The following GMDS variants were observed in gnomAD, a reference collection of about 807,000 sequenced individuals.
GMDS encodes GDP-mannose 4,6-dehydratase.
A neutral mutation model predicts 49.9 loss-of-function variants in GMDS; 20 were observed. The ratio of observed to expected loss-of-function variants is 0.40; its 90% CI spans 0.28 to 0.58. The LOEUF is 0.58. GMDS is among the 20% of genes least tolerant of loss of function. GMDS has a pLI of 0.42. For synonymous variants in GMDS, 177 were observed against 178.6 expected, an observed-to-expected ratio of 0.99 and a Z score of 0.07; for missense variants, 362 against 481.4, an observed-to-expected ratio of 0.75 and a Z score of 2.32.
At chr6:2,066,431 T>G (rs1378438598) in intron 4 of GMDS, among the ~76,000 whole-genome samples, 4 of 147,330 alleles carry the variant, frequency 2.7e-5, no homozygotes, top group Non-Finnish European at 6.0e-5. Context: ...TAACTTTAAA[T>G]GTAAATGGAC....
At chr6:2,115,205 G>A (rs139750213) in intron 4 of GMDS, among the ~76,000 whole-genome samples, 201 of 152,302 alleles carry the variant, frequency 1.3e-3, no homozygotes, top group African/African-American at 4.5e-3. Flanking sequence ...GATGTTTACC[G>A]TGATTCCTTC....
intron 6 of GMDS, among the ~76,000 whole-genome samples, chr6:1,948,776 T>A (rs1763204435): frequency 6.6e-6 from 1 of 152,248 alleles, no homozygotes; most frequent in Non-Finnish European, 1.5e-5. Context: ...ACTTTCCTAA[T>A]TCAAATGTTA....
intron 1 of GMDS, among the ~76,000 whole-genome samples, chr6:2,208,018 C>T (rs1427112491): frequency 1.3e-5 from 2 of 151,904 alleles, no homozygotes; most frequent in Non-Finnish European, 1.5e-5. Context: ...CAGGTATTCC[C>T]TTCCCAGATT....
chr6:1,723,605 T>TTTC (rs1766469345), intron 9 of GMDS, among the ~76,000 whole-genome samples: 1 of 151,650 alleles, frequency 6.6e-6, no homozygotes, highest in African/African-American at 2.4e-5. Flanking sequence ...AATTTTTTTT[T>TTTC]CCTATCAGTC....
At chr6:1,793,322 T>C (rs952685905) in intron 7 of GMDS, among the ~76,000 whole-genome samples, 1 of 152,216 alleles carries the variant, frequency 6.6e-6, no homozygotes, top group Non-Finnish European at 1.5e-5. Context: ...GGGATAGAGA[T>C]AGAGGTTAAC....
intron 4 of GMDS, among the ~76,000 whole-genome samples, chr6:2,038,379 A>G (rs992472767): frequency 6.6e-6 from 1 of 152,176 alleles, no homozygotes; most frequent in Non-Finnish European, 1.5e-5. Context: ...ACTGCCAGAA[A>G]AGCCGCGCTC....
At chr6:2,123,586 T>C (rs1345664805) in intron 2 of GMDS, among the ~76,000 whole-genome samples, 1 of 152,246 alleles carries the variant, frequency 6.6e-6, no homozygotes, top group Non-Finnish European at 1.5e-5. Context: ...TGAATAAATA[T>C]AGGTCTTTCT....
chr6:2,094,781 G>A (rs541660499), intron 4 of GMDS, among the ~76,000 whole-genome samples: 1 of 152,282 alleles, frequency 6.6e-6, no homozygotes, highest in African/African-American at 2.4e-5. Context: ...AGCAAAGGCA[G>A]TCATACGGAA....
rs549176638 is a variant in GMDS, at chr6:2,175,807, CT to C, written c.103-51077del. The C allele has an allele frequency of 2.2e-3, 1,381 of 626,886 alleles. 13 individuals are homozygous for C. In the African/African-American group the frequency reaches 0.023, roughly 10 times the overall value. The allele number at this position is 626,886 out of a possible 1,614,324, so 38.8% of individuals were successfully genotyped here. ...TTTTATAGCTAACATTTATATAGCC[CT>C]TAAAACATGTTGTAAGCACCTTATG... is the stretch of plus-strand genomic sequence containing the variant. On this transcript the variant is annotated intron_variant, in intron 1 of 10. Coordinates refer to ENST00000380815, the MANE Select transcript of GMDS (RefSeq NM_001500.4).
At chr6:1,872,322 A>G (rs1758802799) in intron 7 of GMDS, among the ~76,000 whole-genome samples, 1 of 152,248 alleles carries the variant, frequency 6.6e-6, no homozygotes, top group South Asian at 2.1e-4. Context: ...TTCAGTACTT[A>G]TAATTTCTAT....
intron 7 of GMDS, among the ~76,000 whole-genome samples, chr6:1,837,513 G>T (rs1395757791): frequency 6.6e-6 from 1 of 151,962 alleles, no homozygotes; most frequent in African/African-American, 2.4e-5. Context: ...TGGTAAGTGT[G>T]GTGTACCCCC....
At chr6:2,142,075 T>C (rs4959166) in intron 1 of GMDS, among the ~76,000 whole-genome samples, 4,213 of 152,294 alleles carry the variant, frequency 0.028, 194 homozygotes, top group South Asian at 0.13. Flanking sequence ...AGGTAAATTA[T>C]GGCACTTGAA....
At chr6:2,233,734 C>G (rs1325382535) in intron 1 of GMDS, among the ~76,000 whole-genome samples, 1 of 152,192 alleles carries the variant, frequency 6.6e-6, no homozygotes, top group Admixed American at 6.5e-5. Flanking sequence ...GGATGAGACT[C>G]TCTTGATCCC....
intron 1 of GMDS, among the ~76,000 whole-genome samples, chr6:2,186,330 A>C (rs903024964): frequency 1.3e-5 from 2 of 152,246 alleles, no homozygotes; most frequent in African/African-American, 4.8e-5. Context: ...GGATATTTTT[A>C]AGTATCCCTT....
At chr6:1,952,555 C>T (rs751669331) in intron 6 of GMDS, among the ~76,000 whole-genome samples, 1 of 151,952 alleles carries the variant, frequency 6.6e-6, no homozygotes, top group Non-Finnish European at 1.5e-5. Context: ...CAAAATAAAC[C>T]AGCTTTCTGG....
chr6:2,208,593 A>G (rs1478725083), intron 1 of GMDS, among the ~76,000 whole-genome samples: 1 of 152,188 alleles, frequency 6.6e-6, no homozygotes, highest in African/African-American at 2.4e-5. Context: ...CATATGTTAG[A>G]TGCTTCTAAG....
intron 9 of GMDS, among the ~76,000 whole-genome samples, chr6:1,708,989 T>C (rs1765845573): frequency 6.6e-6 from 1 of 152,220 alleles, no homozygotes; most frequent in Admixed American, 6.5e-5. Flanking sequence ...CTGGTGCCTG[T>C]GTCACTGGAA....
At chr6:1,704,511 A>G (rs1219399357) in intron 9 of GMDS, among the ~76,000 whole-genome samples, 1 of 152,230 alleles carries the variant, frequency 6.6e-6, no homozygotes, top group Non-Finnish European at 1.5e-5. Context: ...CAGCAAGACC[A>G]ACTAGAAAGA....
intron 1 of GMDS, chr6:2,175,830 T>C (rs1778257612): frequency 1.4e-6 from 1 of 693,432 alleles, no homozygotes; most frequent in African/African-American, 1.8e-5. Flanking sequence ...GTAAGCACCT[T>C]ATGCATGAAC....
Sources: gnomAD v4.1 joint callset for allele counts (sites outside exome capture counted in the v4.1 genomes callset) on GRCh38, gnomAD v4.1.1 for gene constraint, MANE v1.5 for transcripts, NCBI Gene and HGNC (gene_info 2026-07-23, HGNC 2026-07-21) for gene names.